The following APOL3 variants were observed in gnomAD, a reference collection of about 807,000 sequenced individuals.
APOL3 encodes TNF-inducible protein CG12-1.
APOL3 carries 14 observed loss-of-function variants against 11.6 expected under a neutral mutation model. The observed-to-expected ratio is 1.21, with a 90% CI of 0.80 to 1.89. The LOEUF (loss-of-function observed/expected upper bound fraction) is 1.89. Among genes scored for constraint, APOL3 ranks in the 40% most tolerant of loss-of-function variants. The probability of loss-of-function intolerance (pLI) is 0.00; values close to 1 mark genes in which losing one functional copy is unlikely to be tolerated. For missense variants in APOL3, 483 were observed against 492.1 expected, an observed-to-expected ratio of 0.98 and a Z score of 0.17; for synonymous variants, 192 against 190.6, an observed-to-expected ratio of 1.01 and a Z score of -0.06.
At chr22:36,143,087 C>G (rs531200300) in intron 2 of APOL3, among the ~76,000 whole-genome samples, 11 of 152,326 alleles carry the variant, frequency 7.2e-5, no homozygotes, top group African/African-American at 2.2e-4. Context: ...GTGACTCCCC[C>G]TCTGTCTTTA....
intron 2 of APOL3, 107 bp downstream of exon 3, chr22:36,145,366 C>T: frequency 7.1e-7 from 1 of 1,406,732 alleles, no homozygotes; most frequent in Non-Finnish European, 9.7e-7. Context: ...TCAAGTTCAG[C>T]AGAGGGGGCT....
intron 1 of APOL3, chr22:36,153,443 T>C: frequency 2.2e-6 from 1 of 455,826 alleles, no homozygotes; most frequent in Non-Finnish European, 4.4e-6. Flanking sequence ...AAAGTACGGA[T>C]GTTGTCATTT....
chr22:36,151,891 G>A (rs2011761334), intron 1 of APOL3, among the ~76,000 whole-genome samples: 1 of 152,188 alleles, frequency 6.6e-6, no homozygotes. Context: ...AGGTCACAGA[G>A]CAAGACCCTG....
At chr22:36,148,556 C>G (rs1392844996) in intron 1 of APOL3, among the ~76,000 whole-genome samples, 1 of 152,222 alleles carries the variant, frequency 6.6e-6, no homozygotes, top group Non-Finnish European at 1.5e-5. Flanking sequence ...CGCTGAGTCA[C>G]TCTTTTCACA....
chr22:36,142,139 A>T, intron 2 of APOL3, 81 bp from the exon 4 acceptor site: 3 of 1,427,516 alleles, frequency 2.1e-6, no homozygotes, highest in South Asian at 3.0e-5. Context: ...GTTCTACATA[A>T]ATCACAGAGC....
chr22:36,148,117 T>C (rs1381965789), intron 1 of APOL3, among the ~76,000 whole-genome samples: 1 of 152,250 alleles, frequency 6.6e-6, no homozygotes, highest in Non-Finnish European at 1.5e-5. Context: ...TAACATGAAA[T>C]GTCTTTCATT....
chr22:36,149,984 A>ATT lies in APOL3; in HGVS notation c.224-4387_224-4386dup, dbSNP rs200989786. The ATT allele has an allele frequency of 3.7e-3, 1,610 of 435,768 alleles. 18 individuals carry two copies. The highest frequency in any genetic ancestry group is 0.03 in the African/African-American group (1,490 of 48,874). The allele number at this position is 435,768 out of a possible 1,614,324, so 27.0% of individuals were successfully genotyped here. On this transcript the variant is annotated intron_variant, in intron 1 of 2. Coordinates refer to ENST00000349314, the Ensembl canonical transcript of APOL3. ...ACCACGCTAGGCACATTAAAAAAAA[A>ATT]TTTTTTTTAGAAATGTGGATCTTGC...
In APOL3 at chr22:36,141,216, G is replaced by A. The variant is rs984779917; in HGVS notation, c.1193C>T (p.Pro398Leu). The A allele has an allele frequency of 1.2e-5, 19 of 1,613,422 alleles. No individual in the cohort carries two copies. In the African/African-American group the frequency reaches 1.7e-4, roughly 15 times the overall value. ...GGTCTGGGGTCAGTGGGTATGGCAT[G>A]GATTCAGACGCTGATAGATCTGAGT... The change falls in exon 3 of 3, where the codon CCA (proline) becomes CTA (leucine). Residue 398 changes from proline to leucine, a missense_variant. By Grantham distance (98) the Pro-to-Leu change is moderately conservative (BLOSUM62 -3). Coordinates refer to ENST00000349314, the Ensembl canonical transcript of APOL3.
upstream of APOL3, chr22:36,165,349 GC>G (rs1246431051): frequency 6.6e-6 from 1 of 151,988 alleles, no homozygotes; most frequent in Non-Finnish European, 1.5e-5. Context: ...CTTTTAATTT[GC>G]TCACAGCCAA....
At chr22:36,143,000 A>G (rs1240845864) in intron 2 of APOL3, among the ~76,000 whole-genome samples, 1 of 152,206 alleles carries the variant, frequency 6.6e-6, no homozygotes, top group Non-Finnish European at 1.5e-5. Context: ...TTGTTAGGCC[A>G]GTTTAGCAGA....
chr22:36,154,259 G>T (rs1436248862), intron 1 of APOL3, among the ~76,000 whole-genome samples: 4 of 152,174 alleles, frequency 2.6e-5, no homozygotes, highest in African/African-American at 9.7e-5. Context: ...TGAGGGGGAG[G>T]CTTAGAATCT....
At chr22:36,151,145 A>C (rs1321809385) in intron 1 of APOL3, among the ~76,000 whole-genome samples, 2 of 152,244 alleles carry the variant, frequency 1.3e-5, no homozygotes, top group African/African-American at 2.4e-5. Flanking sequence ...GGAAAAAATT[A>C]GAGACTTCAT....
intron 1 of APOL3, chr22:36,146,009 T>TTA (rs2060199360): frequency 8.3e-6 from 1 of 119,818 alleles, no homozygotes; most frequent in African/African-American, 2.8e-5. Flanking sequence ...TCTCACACAC[T>TTA]CACACACACA....
intron 1 of APOL3, 86 bp from the exon 3 acceptor site, chr22:36,145,685 C>T: frequency 6.6e-7 from 1 of 1,517,968 alleles, no homozygotes. Context: ...GAGGTTAATC[C>T]TCCTCAACCA....
At chr22:36,144,781 G>A (rs567201646) in intron 2 of APOL3, among the ~76,000 whole-genome samples, 16 of 152,118 alleles carry the variant, frequency 1.1e-4, no homozygotes, top group East Asian at 1.9e-4. Context: ...AGGCCGAGGC[G>A]GGAGGATCAC....
At chr22:36,157,974 C>T (rs1484697814) in intron 1 of APOL3, among the ~76,000 whole-genome samples, 1 of 152,082 alleles carries the variant, frequency 6.6e-6, no homozygotes, top group Non-Finnish European at 1.5e-5. Context: ...TGCTTGAACC[C>T]CGGAGGTGGA....
At chr22:36,144,740 C>T (rs974476936) in intron 2 of APOL3, among the ~76,000 whole-genome samples, 1 of 152,080 alleles carries the variant, frequency 6.6e-6, no homozygotes, top group Non-Finnish European at 1.5e-5. Context: ...TCGGGCGCAG[C>T]GGCTCATGCC....
At chr22:36,153,210 G>A (rs769160975) in intron 1 of APOL3, 21 of 324,738 alleles carry the variant, frequency 6.5e-5, no homozygotes, top group Non-Finnish European at 1.2e-4. Context: ...TGTCTGAACC[G>A]TATACACTTA....
chr22:36,143,775 T>C (rs1242255565), intron 2 of APOL3, among the ~76,000 whole-genome samples: 1 of 152,238 alleles, frequency 6.6e-6, no homozygotes, highest in Non-Finnish European at 1.5e-5. Context: ...ACTAATGCCT[T>C]AGCAGGTGAC....
Sources: allele counts gnomAD v4.1 joint callset (sites outside exome capture counted in the v4.1 genomes callset), GRCh38; gene constraint gnomAD v4.1.1; transcripts MANE v1.5; gene names NCBI Gene and HGNC (gene_info 2026-07-23, HGNC 2026-07-21).